Variants in NFATC1 observed in about 807,000 individuals in gnomAD.
The protein encoded by NFATC1 is nuclear factor of activated T-cells, cytoplasmic 1.
In NFATC1, 22 loss-of-function variants were observed where a neutral mutation model predicts 76.0. The observed-to-expected ratio is 0.29, with a 90% CI of 0.21 to 0.41. The LOEUF (loss-of-function observed/expected upper bound fraction) is 0.41. Ranked by LOEUF, NFATC1 falls within the 10% of genes least tolerant of loss-of-function variation. The probability of loss-of-function intolerance (pLI) is 1.00; values close to 1 mark genes in which losing one functional copy is unlikely to be tolerated. For synonymous variants in NFATC1, 704 were observed against 613.1 expected (o/e 1.15, Z -2.19); for missense variants, 1,357 against 1,337.7 (o/e 1.01, Z -0.23).
intron 1 of NFATC1, among the ~76,000 whole-genome samples, chr18:79,397,587 A>G (rs1182751073): frequency 6.6e-6 from 1 of 152,234 alleles, no homozygotes; most frequent in Non-Finnish European, 1.5e-5. Context: ...TGTTTAAACC[A>G]TGTCCCGTGT....
chr18:79,509,158 C>A (rs61072831), intron 9 of NFATC1, among the ~76,000 whole-genome samples: 121 of 152,340 alleles, frequency 7.9e-4, no homozygotes, highest in Non-Finnish European at 1.4e-3. Context: ...GGGAGAGGGA[C>A]GTGCTGGCCC....
chr18:79,400,419 G>A, intron 1 of NFATC1: 1 of 1,495,966 alleles, frequency 6.7e-7, no homozygotes, highest in Admixed American at 2.3e-5. Flanking sequence ...CCAGGAGTTC[G>A]ACTTCGAGTT....
At chr18:79,494,086 A>G (rs1205322537) in intron 9 of NFATC1, among the ~76,000 whole-genome samples, 5 of 152,186 alleles carry the variant, frequency 3.3e-5, no homozygotes, top group African/African-American at 1.2e-4. Flanking sequence ...CCTGTGCGCC[A>G]GGCAGCGTGT....
At chr18:79,447,254 C>T (rs1014953761) in intron 3 of NFATC1, among the ~76,000 whole-genome samples, 2 of 152,244 alleles carry the variant, frequency 1.3e-5, no homozygotes, top group East Asian at 3.9e-4. Context: ...TGCCCACTGA[C>T]ATCTGAGAAT....
rs548863000 is a variant in NFATC1, at chr18:79,471,128, T to C, written c.2092+3546T>C. 3.9e-5 allele frequency among the ~76,000 whole-genome samples: 6 copies of C among 152,240 alleles called. No homozygotes were observed. In the South Asian group the frequency reaches 1.2e-3, roughly 32 times the overall value. On this transcript the variant is annotated intron_variant, in intron 8 of 9. Coordinates refer to ENST00000427363, the MANE Select transcript of NFATC1 (RefSeq NM_001278669.2). Reference sequence around the variant, plus strand: ...CTGAGCGGCTTGTCTGTCACTGTTTTTGTGTAACTGCGCCTGAATTTAATC... The same window carrying C: ...CTGAGCGGCTTGTCTGTCACTGTTTCTGTGTAACTGCGCCTGAATTTAATC...
At chr18:79,459,317 C>T (rs771680083) in intron 6 of NFATC1, among the ~76,000 whole-genome samples, 39 of 152,226 alleles carry the variant, frequency 2.6e-4, no homozygotes, top group Non-Finnish European at 3.4e-4. Flanking sequence ...TGGGAAAAGA[C>T]GCCTCCATGC....
chr18:79,464,692 A>ATATT (rs201605713), intron 7 of NFATC1, among the ~76,000 whole-genome samples: 1 of 111,576 alleles, frequency 9.0e-6, no homozygotes, highest in Non-Finnish European at 1.8e-5. Context: ...GTATATATAT[A>ATATT]TATTTATTTA....
At chr18:79,483,210 T>C (rs539736684) in intron 8 of NFATC1, among the ~76,000 whole-genome samples, 54 of 106,060 alleles carry the variant, frequency 5.1e-4, no homozygotes, top group African/African-American at 1.5e-3. Flanking sequence ...GTTCCTGGGG[T>C]GTAATTCCAG....
chr18:79,410,831 G>A lies in NFATC1; in HGVS notation c.556G>A (p.Ala186Thr). 3.1e-6 allele frequency: 5 copies of A among 1,611,736 alleles called. No homozygotes were observed. The highest frequency in any genetic ancestry group is 4.2e-6 in the Non-Finnish European group (5 of 1,179,438). Residue 186 changes from alanine (A) to threonine (T), a missense_variant, in exon 2 of 10, where the codon GCC (alanine) becomes ACC (threonine). Ala to Thr is a moderately conservative substitution (Grantham distance 58, BLOSUM62 0). Coordinates refer to ENST00000427363, the MANE Select transcript of NFATC1 (RefSeq NM_001278669.2). The surrounding 1 kb of genome is among the most constrained non-coding windows in gnomAD (Gnocchi z 6.7). Reference protein sequence around the residue: ...SLSSRSCNSEASSYESNYSYP... With the variant: ...SLSSRSCNSETSSYESNYSYP... ...GTCCTCCCGGAGCTGCAACTCAGAGGCCTCCTCCTACGAGTCCAACTACTC... is the reference window on the plus strand; with the variant it reads ...GTCCTCCCGGAGCTGCAACTCAGAGACCTCCTCCTACGAGTCCAACTACTC...
chr18:79,435,617 G>A (rs926997838), intron 3 of NFATC1, among the ~76,000 whole-genome samples: 2 of 152,168 alleles, frequency 1.3e-5, no homozygotes. Flanking sequence ...GGAATCTTCT[G>A]GAATCCCGTC....
intron 7 of NFATC1, 76 bp from the exon 8 acceptor site, chr18:79,467,360 GAAACGCGGGGTTGC>G: frequency 7.5e-7 from 1 of 1,333,288 alleles, no homozygotes; most frequent in African/African-American, 1.6e-5. Context: ...GGCCGCCGTG[GAAACGCGGGGTTGC>G]CGTGTGGCCG....
At chr18:79,400,613 G>A (rs2085172162) in intron 1 of NFATC1, 2 of 762,656 alleles carry the variant, frequency 2.6e-6, no homozygotes, top group South Asian at 3.7e-5. Context: ...AGGGGCTACG[G>A]CGGGGGACGC....
chr18:79,457,056 A>G (rs2087770980), intron 6 of NFATC1, among the ~76,000 whole-genome samples: 1 of 152,218 alleles, frequency 6.6e-6, no homozygotes, highest in Admixed American at 6.5e-5. Context: ...AGAAGGTGAC[A>G]TTGCTGGGCG....
intron 9 of NFATC1, among the ~76,000 whole-genome samples, chr18:79,525,139 C>T (rs1241362640): frequency 1.0e-4 from 2 of 19,942 alleles, no homozygotes; most frequent in Admixed American, 4.3e-4. Flanking sequence ...CTCCCCACGT[C>T]CCACCGTCGT....
chr18:79,494,237 G>A, intron 9 of NFATC1, among the ~76,000 whole-genome samples: 1 of 148,902 alleles, frequency 6.7e-6, no homozygotes, highest in East Asian at 2.0e-4. Context: ...GTGTGGCCGG[G>A]GGAAGGCGAG....
chr18:79,506,407 CTG>C (rs2090122271), intron 9 of NFATC1, among the ~76,000 whole-genome samples: 1 of 152,360 alleles, frequency 6.6e-6, no homozygotes, highest in East Asian at 1.9e-4. Context: ...CAGGGACCCT[CTG>C]TGCTGGCCCG....
Position 79,411,466 on chromosome 18 carries a change from G to T in NFATC1, c.1191G>T (p.Ala397=). ...LAVPQHPYQW[A]KPKPLSPTSY... ...TGCCGCAGCACCCCTACCAGTGGGC[G>T]AAGCCCAAGCCCCTGTCCCCTACGT... Residue 397 remains alanine, a synonymous_variant, in exon 2 of 10, where the codon GCG becomes GCT. Coordinates refer to ENST00000427363, the MANE Select transcript of NFATC1 (RefSeq NM_001278669.2). 6.7e-7 allele frequency: 1 copy of T among 1,496,920 alleles called. No homozygotes were observed. The allele number at this position is 1,496,920 out of a possible 1,614,324, so 92.7% of individuals were successfully genotyped here.
At chr18:79,402,469 C>A (rs1212879947) in intron 1 of NFATC1, 1 of 875,620 alleles carries the variant, frequency 1.1e-6, no homozygotes, top group East Asian at 1.2e-4. Flanking sequence ...TGAACCTCAC[C>A]CTCGCAGGCA....
rs1438275385 is a variant in NFATC1 at position 79,524,919 on chromosome 18, T to C, written c.2783-2609T>C. Among the ~76,000 whole-genome samples the C allele has an allele frequency of 6.6e-6, 1 of 151,924 alleles. No homozygotes were observed. The highest frequency in any genetic ancestry group is 1.9e-4 in the East Asian group (1 of 5,152). On this transcript the variant is annotated intron_variant, in intron 9 of 9. Transcript: ENST00000427363. The surrounding 1 kb of genome is among the most constrained non-coding windows in gnomAD (Gnocchi z 7.2). ...TCTCGGCGGCCATGCAGGCGGCCTG[T>C]CCCACGAACACGATGGAGACCTCAG...
Sources: gnomAD v4.1 joint callset for allele counts (sites outside exome capture counted in the v4.1 genomes callset) on GRCh38, gnomAD v4.1.1 for gene constraint, Gnocchi (gnomAD v3.1) non-coding constraint, MANE v1.5 for transcripts, NCBI Gene and HGNC (gene_info 2026-07-23, HGNC 2026-07-21) for gene names.